Variants in GABRB2 observed in about 807,000 individuals in gnomAD.
GABRB2 encodes the protein gamma-aminobutyric acid type A receptor subunit beta2, also known as gamma-aminobutyric acid receptor subunit beta-2.
Under a neutral mutation model 54.7 loss-of-function variants are expected in GABRB2, and 16 were observed. The observed-to-expected ratio is 0.29, with a 90% CI of 0.20 to 0.44. The LOEUF is 0.44. GABRB2 is among the 20% of genes least tolerant of loss of function. The pLI is 1.00. For synonymous variants in GABRB2, 244 were observed against 233.8 expected, an observed-to-expected ratio of 1.04 and a Z score of -0.40; for missense variants, 355 against 644.0, an observed-to-expected ratio of 0.55 and a Z score of 4.86.
chr5:161,411,814 T>TTATATATA (rs202054186), intron 4 of GABRB2, among the ~76,000 whole-genome samples: 2 of 149,494 alleles, frequency 1.3e-5, no homozygotes, highest in African/African-American at 4.9e-5. Flanking sequence ...CATTTAGAGT[T>TTATATATA]TATATATATA....
rs577133465 is a variant in GABRB2 at position 161,498,262 on chromosome 5, G to A, written c.238-38418C>T. On this transcript the variant is annotated intron_variant, in intron 3 of 9. Transcript: ENST00000393959. The stretch of plus-strand genomic sequence containing the variant: ...AAATAACAAAAAGTGTATGTGTCAC[G>A]TAATGCTTCACATTAACTCTCCTGG... Among the ~76,000 whole-genome samples the A allele has an allele frequency of 1.6e-4, 24 of 151,954 alleles. No homozygotes were observed. The South Asian group carries it at 3.1e-3, about 20-fold the overall frequency.
intron 9 of GABRB2, among the ~76,000 whole-genome samples, chr5:161,321,129 AATCTATGATAG>A (rs1708290700): frequency 6.6e-6 from 1 of 151,998 alleles, no homozygotes. Flanking sequence ...CTAGGTTGGC[AATCTATGATAG>A]ATCCCTTGAG....
intron 9 of GABRB2, among the ~76,000 whole-genome samples, chr5:161,304,179 C>G (rs1757615958): frequency 6.6e-6 from 1 of 152,142 alleles, no homozygotes; most frequent in Non-Finnish European, 1.5e-5. Flanking sequence ...GACTAAAACA[C>G]AAAAGCCCTT....
intron 3 of GABRB2, among the ~76,000 whole-genome samples, chr5:161,499,645 A>G (rs1472039228): frequency 6.6e-6 from 1 of 152,212 alleles, no homozygotes; most frequent in Non-Finnish European, 1.5e-5. Flanking sequence ...CAACAAAAAT[A>G]ATTGTTCTTC....
At chr5:161,542,182 ACAT>A (rs1032082799) in intron 3 of GABRB2, among the ~76,000 whole-genome samples, 1 of 152,198 alleles carries the variant, frequency 6.6e-6, no homozygotes, top group Non-Finnish European at 1.5e-5. Flanking sequence ...TGCAATAGTA[ACAT>A]CAGAGATCAC....
chr5:161,323,485 T>C (rs1298547074), intron 9 of GABRB2, among the ~76,000 whole-genome samples: 2 of 152,064 alleles, frequency 1.3e-5, no homozygotes, highest in African/African-American at 4.8e-5. Flanking sequence ...TTTCCCTTTA[T>C]GTTCACTTAT....
chr5:161,410,181 G>A (rs1385454559), intron 5 of GABRB2, among the ~76,000 whole-genome samples: 1 of 152,076 alleles, frequency 6.6e-6, no homozygotes. Flanking sequence ...ATAAAGTATG[G>A]AAACATTGCA....
chr5:161,486,444 C>T (rs887575393), intron 3 of GABRB2, among the ~76,000 whole-genome samples: 2 of 151,896 alleles, frequency 1.3e-5, no homozygotes, highest in South Asian at 4.2e-4. Flanking sequence ...CTGTAAGGCA[C>T]GTTGTCAACA....
At chr5:161,459,429 T>C (rs1028128605) in intron 4 of GABRB2, 195 bp downstream of exon 4, 2 of 596,518 alleles carry the variant, frequency 3.4e-6, no homozygotes, top group Admixed American at 3.0e-5. Context: ...TTCAGAAAAA[T>C]GTAGTCTTAG....
intron 5 of GABRB2, among the ~76,000 whole-genome samples, chr5:161,359,700 T>G (rs1754744694): frequency 6.6e-6 from 1 of 152,206 alleles, no homozygotes; most frequent in African/African-American, 2.4e-5. Context: ...ATTTATAAAC[T>G]GTTGATAACT....
intron 4 of GABRB2, among the ~76,000 whole-genome samples, chr5:161,458,573 G>A (rs1758030203): frequency 6.6e-6 from 1 of 152,216 alleles, no homozygotes. Context: ...CAAGAAATAT[G>A]TGGAATTGGA....
rs187256559 is a variant in GABRB2, at chr5:161,432,801, T to A, written c.459-21744A>T. Among the ~76,000 whole-genome samples the A allele has an allele frequency of 4.6e-3, 695 of 152,036 alleles. 4 individuals are homozygous for A. The highest frequency in any genetic ancestry group is 0.016 in the African/African-American group (673 of 41,470). ...CCCAGAAACTGCTGTTCCCCGAGAG[T>A]CACCACACCGCTGACTGCCATAAAC... On this transcript the variant is annotated intron_variant, in intron 4 of 9. Transcript: ENST00000393959.
intron 3 of GABRB2, among the ~76,000 whole-genome samples, chr5:161,509,222 G>A (rs1759693236): frequency 6.6e-6 from 1 of 151,922 alleles, no homozygotes; most frequent in African/African-American, 2.4e-5. Flanking sequence ...TATTAAATAT[G>A]ATTAGCTGAG....
intron 3 of GABRB2, among the ~76,000 whole-genome samples, chr5:161,516,647 A>AT (rs5872717): frequency 0.21 from 31,215 of 151,654 alleles, 3,640 homozygotes; most frequent in Non-Finnish European, 0.27. Context: ...TAAAGTAAAG[A>AT]TTTTTTTTTA....
At chr5:161,412,263 G>A (rs73800504) in intron 4 of GABRB2, among the ~76,000 whole-genome samples, 1 of 152,184 alleles carries the variant, frequency 6.6e-6, no homozygotes, top group African/African-American at 2.4e-5. Context: ...CTTGAAGTAA[G>A]TCATTCTTGG....
At chr5:161,310,075 T>C (rs952065068) in intron 9 of GABRB2, among the ~76,000 whole-genome samples, 2 of 152,176 alleles carry the variant, frequency 1.3e-5, no homozygotes, top group African/African-American at 4.8e-5. Flanking sequence ...GAAAATCAAA[T>C]GCTACATGTT....
At chr5:161,394,472 G>A (rs1355589225) in intron 5 of GABRB2, among the ~76,000 whole-genome samples, 16 of 151,948 alleles carry the variant, frequency 1.1e-4, no homozygotes, top group Admixed American at 1.1e-3. Flanking sequence ...ACTGATCAAT[G>A]ATAGAGAATA....
chr5:161,528,728 C>T (rs528719047), intron 3 of GABRB2, among the ~76,000 whole-genome samples: 11 of 151,886 alleles, frequency 7.2e-5, no homozygotes, highest in African/African-American at 2.4e-4. Flanking sequence ...TAGTATTATA[C>T]ATATGGTACA....
At chr5:161,436,867 G>C (rs180794106) in intron 4 of GABRB2, among the ~76,000 whole-genome samples, 3 of 152,110 alleles carry the variant, frequency 2.0e-5, no homozygotes, top group African/African-American at 7.2e-5. Flanking sequence ...ACCGAATTCA[G>C]TGCTGTCCTG....
Sources: allele counts gnomAD v4.1 joint callset (sites outside exome capture counted in the v4.1 genomes callset), GRCh38; gene constraint gnomAD v4.1.1; transcripts MANE v1.5; gene names NCBI Gene and HGNC (gene_info 2026-07-23, HGNC 2026-07-21).